MCF2L2: variants seen among roughly 807,000 people sequenced by gnomAD.
MCF2L2 encodes MCF.2 cell line derived transforming sequence-like 2, also known as probable guanine nucleotide exchange factor MCF2L2.
A neutral mutation model predicts 150.2 loss-of-function variants in MCF2L2; 102 were observed. The ratio of observed to expected loss-of-function variants is 0.68; its 90% confidence interval spans 0.58 to 0.80. MCF2L2 has a LOEUF of 0.80. MCF2L2 is among the 30% of genes least tolerant of loss of function. MCF2L2 has a pLI of 0.00. For synonymous variants in MCF2L2, 465 were observed against 491.3 expected (o/e 0.95, Z 0.71); for missense variants, 1,256 against 1,372.8 (o/e 0.91, Z 1.34).
chr3:183,196,416 A>C (rs1722084425), intron 25 of MCF2L2, among the ~76,000 whole-genome samples: 1 of 152,188 alleles, frequency 6.6e-6, no homozygotes, highest in South Asian at 2.1e-4. Context: ...TATATGTCAG[A>C]GCTTTGTAAA....
chr3:183,302,629 A>G (rs1377059707), intron 10 of MCF2L2, among the ~76,000 whole-genome samples: 1 of 152,134 alleles, frequency 6.6e-6, no homozygotes, highest in African/African-American at 2.4e-5. Context: ...AGACTCATTA[A>G]GGGGCTGCTG....
chr3:183,194,519 G>A (rs958286299), intron 26 of MCF2L2, among the ~76,000 whole-genome samples: 4 of 152,104 alleles, frequency 2.6e-5, no homozygotes, highest in African/African-American at 9.7e-5. Flanking sequence ...CAGAGGGTGC[G>A]TTTGCCCACT....
At chr3:183,189,607 G>A (rs982675480) in intron 27 of MCF2L2, among the ~76,000 whole-genome samples, 2 of 149,802 alleles carry the variant, frequency 1.3e-5, no homozygotes, top group African/African-American at 4.8e-5. Context: ...CAGGCAAAGA[G>A]AGCAGTTACC....
At position 183,311,664 on chromosome 3, in the gene MCF2L2, C is replaced by T. The variant is rs1391968260; in HGVS notation, c.862G>A (p.Val288Ile). The change falls in exon 8 of 30, where the codon GTA becomes ATA. Residue 288 changes from valine (V) to isoleucine (I), a missense_variant. By Grantham distance (29) the Val-to-Ile change is conservative. Transcript: ENST00000328913. ...CTCACTCACCTTTCCATGGTAGTTA[C>T]ATTCTCAAGTTGGTTGAGATTGAGT... ...SKLNLNQLEN[V>I]TTMERLLVQL... 1.9e-6 allele frequency: 3 copies of T among 1,614,096 alleles called. No individual in the cohort carries two copies. Among genetic ancestry groups the T allele is most frequent in the Non-Finnish European group, 2.5e-6 (3 of 1,179,984 alleles).
intron 25 of MCF2L2, among the ~76,000 whole-genome samples, chr3:183,198,868 G>C (rs992895955): frequency 6.6e-6 from 1 of 152,146 alleles, no homozygotes; most frequent in Non-Finnish European, 1.5e-5. Context: ...TTTTCTACTA[G>C]AGTTGCCATA....
chr3:183,364,950 G>A (rs1436570330), intron 3 of MCF2L2, among the ~76,000 whole-genome samples: 1 of 152,086 alleles, frequency 6.6e-6, no homozygotes, highest in Admixed American at 6.5e-5. Context: ...TAGTCTCAAT[G>A]CCACAAAATT....
At chr3:183,384,232 G>T (rs949591504) in intron 2 of MCF2L2, among the ~76,000 whole-genome samples, 9 of 152,170 alleles carry the variant, frequency 5.9e-5, no homozygotes, top group African/African-American at 2.2e-4. Flanking sequence ...AGCTCTCCTT[G>T]TTCATTCCTG....
chr3:183,390,381 GAAT>G (rs1042302561), intron 1 of MCF2L2, among the ~76,000 whole-genome samples: 1 of 151,902 alleles, frequency 6.6e-6, no homozygotes, highest in Non-Finnish European at 1.5e-5. Flanking sequence ...TCTCCTAACT[GAAT>G]AATAAGTTAT....
intron 17 of MCF2L2, among the ~76,000 whole-genome samples, 160 bp downstream of exon 17, chr3:183,229,506 C>CCCT (rs1331557209): frequency 5.3e-5 from 8 of 152,152 alleles, no homozygotes; most frequent in African/African-American, 1.9e-4. Context: ...GGGGCTTCTC[C>CCCT]CCTCCTTTCA....
chr3:183,228,046 C>CACACACACACACACACAG, intron 18 of MCF2L2: 1 of 457,768 alleles, frequency 2.2e-6, no homozygotes, highest in Non-Finnish European at 4.0e-6. Flanking sequence ...CACACACACA[C>CACACACACACACACACAG]AATGGTAATG....
chr3:183,217,370 G>A (rs911695481), intron 21 of MCF2L2, among the ~76,000 whole-genome samples: 1 of 151,122 alleles, frequency 6.6e-6, no homozygotes, highest in Non-Finnish European at 1.5e-5. Context: ...TACTCAGGAG[G>A]CTGAGGCAGG....
chr3:183,396,180 A>G (rs1013099659), intron 1 of MCF2L2, among the ~76,000 whole-genome samples: 2 of 152,018 alleles, frequency 1.3e-5, no homozygotes, highest in African/African-American at 4.8e-5. Flanking sequence ...ACCCAGGGAA[A>G]TACTCCACAG....
chr3:183,352,394 G>A (rs759923276), intron 3 of MCF2L2, among the ~76,000 whole-genome samples: 1 of 152,152 alleles, frequency 6.6e-6, no homozygotes, highest in Non-Finnish European at 1.5e-5. Context: ...ATGGTGGTGC[G>A]TGCCTGTAAT....
rs904353120 is a variant in MCF2L2 at position 183,427,938 on chromosome 3, G to A, written c.40C>T (p.Leu14Phe). 3.7e-6 allele frequency: 6 copies of A among 1,614,020 alleles called. No individual in the cohort carries two copies. The highest frequency in any genetic ancestry group is 5.1e-6 in the Non-Finnish European group (6 of 1,179,988). ...CLKEEMPPQE[L>F]TRRLATVITH... ...ATCACTGTGGCCAGTCGCCGGGTGA[G>A]CTCCTGGGGAGGCATCTCTTCTTTT... is the stretch of plus-strand genomic sequence containing the variant. Residue 14 changes from leucine to phenylalanine, a missense_variant, in exon 1 of 30, where the codon CTC (leucine) becomes TTC (phenylalanine). Leu to Phe is a conservative substitution (Grantham distance 22, BLOSUM62 0). Transcript: ENST00000328913.
In MCF2L2 at chr3:183,246,367, C is replaced by T. The variant is rs191742426; in HGVS notation, c.1863-15350G>A. On this transcript the variant is annotated intron_variant, in intron 15 of 29. Coordinates refer to ENST00000328913, the MANE Select transcript of MCF2L2 (RefSeq NM_015078.4). The stretch of plus-strand genomic sequence containing the variant: ...CTCATTCTCCACCTCCCCACAGCTC[C>T]TGGGAACCTCTATTCTACTTTCTGT... Among the ~76,000 whole-genome samples, 7 of 152,292 alleles carry T rather than the reference C, an allele frequency of 4.6e-5. No homozygotes were observed. The East Asian group carries it at 7.7e-4, about 17-fold the overall frequency.
At chr3:183,205,004 G>T (rs1211540732) in intron 25 of MCF2L2, among the ~76,000 whole-genome samples, 1 of 152,204 alleles carries the variant, frequency 6.6e-6, no homozygotes, top group Non-Finnish European at 1.5e-5. Flanking sequence ...GAGAATGATT[G>T]CTAATTGGTA....
chr3:183,287,291 C>T (rs1358950905), intron 14 of MCF2L2, among the ~76,000 whole-genome samples: 3 of 152,110 alleles, frequency 2.0e-5, no homozygotes, highest in Non-Finnish European at 4.4e-5. Context: ...TTATAGTGTA[C>T]AGGTCATAAA....
At chr3:183,269,611 C>T (rs1331471925) in intron 15 of MCF2L2, 3 of 559,672 alleles carry the variant, frequency 5.4e-6, no homozygotes, top group Admixed American at 3.7e-5. Context: ...ACAGGGTGTT[C>T]CATTCTTCCG....
At chr3:183,185,725 G>A (rs1206160467) in intron 27 of MCF2L2, among the ~76,000 whole-genome samples, 1 of 152,206 alleles carries the variant, frequency 6.6e-6, no homozygotes, top group Non-Finnish European at 1.5e-5. Context: ...AGGGGTACTA[G>A]GCTCGGTTAC....
Sources: gnomAD v4.1 joint callset for allele counts (sites outside exome capture counted in the v4.1 genomes callset) on GRCh38, gnomAD v4.1.1 for gene constraint, MANE v1.5 for transcripts, NCBI Gene and HGNC (gene_info 2026-07-23, HGNC 2026-07-21) for gene names.